The following DLC1 variants were observed in gnomAD, a reference collection of about 807,000 sequenced individuals.
DLC1 encodes DLC1 Rho GTPase activating protein, also known as rho GTPase-activating protein 7.
DLC1 carries 54 observed loss-of-function variants against 140.3 expected under a neutral mutation model. The observed-to-expected ratio is 0.38, with a 90% CI of 0.31 to 0.48. DLC1 has a LOEUF of 0.48. Ranked by LOEUF, DLC1 falls within the 20% of genes least tolerant of loss-of-function variation. The pLI, the probability that DLC1 is intolerant of heterozygous loss-of-function variation, is 0.96. For synonymous variants in DLC1, 986 were observed against 728.1 expected (o/e 1.35, Z -5.70); for missense variants, 2,536 against 1,907.0 (o/e 1.33, Z -6.14).
At chr8:13,352,348 A>C (rs972065758) in intron 4 of DLC1, among the ~76,000 whole-genome samples, 3 of 152,096 alleles carry the variant, frequency 2.0e-5, no homozygotes, top group African/African-American at 7.2e-5. Context: ...TTTAAATTTA[A>C]ATGTATTATT....
intron 4 of DLC1, among the ~76,000 whole-genome samples, chr8:13,317,176 C>T (rs1832891332): frequency 6.6e-6 from 1 of 152,152 alleles, no homozygotes; most frequent in African/African-American, 2.4e-5. Context: ...TAGACTAATG[C>T]TGAAAAGATT....
chr8:13,359,140 C>T (rs139414254), intron 4 of DLC1, among the ~76,000 whole-genome samples: 11,972 of 152,200 alleles, frequency 0.079, 562 homozygotes, highest in Middle Eastern at 0.11. Flanking sequence ...GGGGTTTCAC[C>T]GTGTTAGCCA....
chr8:13,180,402 G>C (rs4831894), intron 5 of DLC1, among the ~76,000 whole-genome samples: 1 of 152,086 alleles, frequency 6.6e-6, no homozygotes, highest in Admixed American at 6.6e-5. Flanking sequence ...ACATTAGTTA[G>C]ATTGTCTTTA....
intron 7 of DLC1, among the ~76,000 whole-genome samples, chr8:13,108,860 G>C (rs774636648): frequency 5.9e-5 from 9 of 152,288 alleles, no homozygotes; most frequent in Non-Finnish European, 8.8e-5. Flanking sequence ...TCCAGATGCA[G>C]ACTCCTTCCC....
chr8:13,535,431 A>G (rs903249516), intron 1 of DLC1, among the ~76,000 whole-genome samples: 4 of 152,132 alleles, frequency 2.6e-5, no homozygotes, highest in Non-Finnish European at 5.9e-5. Flanking sequence ...TACAAATGGA[A>G]TCTCCTGCTC....
At chr8:13,411,939 T>C (rs1045780970) in intron 2 of DLC1, among the ~76,000 whole-genome samples, 2 of 152,170 alleles carry the variant, frequency 1.3e-5, no homozygotes, top group Admixed American at 6.5e-5. Context: ...TGATTTTAAA[T>C]TTCATCTGCA....
chr8:13,200,087 G>A (rs1245843533), intron 5 of DLC1, among the ~76,000 whole-genome samples: 1 of 151,980 alleles, frequency 6.6e-6, no homozygotes, highest in African/African-American at 2.4e-5. Flanking sequence ...CTGTTGCCTG[G>A]GCTTGAGTGC....
intron 5 of DLC1, among the ~76,000 whole-genome samples, chr8:13,121,932 T>C (rs907503156): frequency 2.0e-5 from 3 of 152,152 alleles, no homozygotes; most frequent in Non-Finnish European, 2.9e-5. Flanking sequence ...CTGGACATTG[T>C]ATTTCAGAAA....
chr8:13,225,897 G>A (rs930793896), intron 5 of DLC1, among the ~76,000 whole-genome samples: 5 of 152,076 alleles, frequency 3.3e-5, no homozygotes, highest in African/African-American at 9.7e-5. Flanking sequence ...TTACAGGCGT[G>A]AGCCACCGCG....
intron 1 of DLC1, among the ~76,000 whole-genome samples, chr8:13,587,412 A>G (rs1424440126): frequency 1.3e-5 from 2 of 151,960 alleles, no homozygotes; most frequent in Non-Finnish European, 2.9e-5. Context: ...CTGTTGGACC[A>G]AATGATAAAT....
intron 1 of DLC1, among the ~76,000 whole-genome samples, chr8:13,587,746 T>C (rs77484348): frequency 0.15 from 22,135 of 151,524 alleles, 1,708 homozygotes; most frequent in African/African-American, 0.19. Flanking sequence ...ATGTTGATAT[T>C]TTAATACAGC....
chr8:13,595,981 C>A (rs13263028), intron 1 of DLC1, among the ~76,000 whole-genome samples: 39,022 of 151,882 alleles, frequency 0.26, 5,879 homozygotes, highest in Non-Finnish European at 0.35. Context: ...TCCTTTCATA[C>A]ATGCAGTCCC....
At chr8:13,314,311 T>C (rs990487171) in intron 4 of DLC1, among the ~76,000 whole-genome samples, 16 of 148,350 alleles carry the variant, frequency 1.1e-4, no homozygotes, top group African/African-American at 3.7e-4. Context: ...ATATATATAA[T>C]ATACATATAT....
chr8:13,398,139 A>G lies in DLC1; in HGVS notation c.1173+3331T>C, dbSNP rs968811193. Among the ~76,000 whole-genome samples the G allele has an allele frequency of 2.0e-5, 3 of 150,622 alleles. No individual in the cohort carries two copies. In the East Asian group the frequency reaches 6.0e-4, roughly 30 times the overall value. On this transcript the variant is annotated intron_variant, in intron 3 of 17. Transcript: ENST00000276297. The stretch of plus-strand genomic sequence containing the variant: ...AGCGAGAGTCCATCTCAAAAAAAAG[A>G]ACAAGACCTTGTCTCTAAAAAATAA...
intron 4 of DLC1, among the ~76,000 whole-genome samples, chr8:13,323,584 G>A (rs1037936109): frequency 3.3e-5 from 5 of 152,092 alleles, no homozygotes; most frequent in Non-Finnish European, 5.9e-5. Flanking sequence ...TATATTTTAA[G>A]TGAAAGTAGG....
intron 5 of DLC1, among the ~76,000 whole-genome samples, chr8:13,165,846 A>G (rs1825068430): frequency 6.6e-6 from 1 of 152,142 alleles, no homozygotes; most frequent in South Asian, 2.1e-4. Context: ...CCTCAAGCAC[A>G]GACCCATATA....
At chr8:13,372,758 A>ATATTTATATT (rs1170421522) in intron 4 of DLC1, among the ~76,000 whole-genome samples, 10 of 152,234 alleles carry the variant, frequency 6.6e-5, no homozygotes, top group Admixed American at 2.0e-4. Flanking sequence ...TATTTTCTTT[A>ATATTTATATT]GCACAAGAGT....
chr8:13,568,918 A>C (rs1190644073), intron 1 of DLC1, among the ~76,000 whole-genome samples: 1 of 152,130 alleles, frequency 6.6e-6, no homozygotes, highest in African/African-American at 2.4e-5. Context: ...GATATAGGGT[A>C]CTCCTTGAAA....
chr8:13,466,999 C>T (rs2117050059), intron 2 of DLC1, among the ~76,000 whole-genome samples: 1 of 151,754 alleles, frequency 6.6e-6, no homozygotes, highest in Non-Finnish European at 1.5e-5. Context: ...TATGACATAT[C>T]CCTCTACTTA....
Sources: gnomAD v4.1 joint callset for allele counts (sites outside exome capture counted in the v4.1 genomes callset) on GRCh38, gnomAD v4.1.1 for gene constraint, MANE v1.5 for transcripts, NCBI Gene and HGNC (gene_info 2026-07-23, HGNC 2026-07-21) for gene names.